The following CPT1A variants were observed in gnomAD, a reference collection of about 807,000 sequenced individuals.
CPT1A encodes the protein carnitine O-palmitoyltransferase 1, liver isoform.
CPT1A carries 64 observed loss-of-function variants against 100.8 expected under a neutral mutation model. The observed-to-expected ratio is 0.63, with a 90% CI of 0.52 to 0.78. CPT1A has a LOEUF of 0.78. Ranked by LOEUF, CPT1A falls within the 30% of genes least tolerant of loss-of-function variation. CPT1A has a pLI of 0.00. For missense variants in CPT1A, 802 were observed against 1,034.1 expected (o/e 0.78, Z 3.08); for synonymous variants, 363 against 396.0 (o/e 0.92, Z 0.99).
At chr11:68,793,165 A>C (rs1855663928) in intron 9 of CPT1A, 150 bp downstream of exon 9, 4 of 618,518 alleles carry the variant, frequency 6.5e-6, no homozygotes, top group Non-Finnish European at 1.2e-5. Context: ...TAAGACAGAC[A>C]AAGGAAATTC....
At position 68,812,559 on chromosome 11, in the gene CPT1A, G is replaced by A. The variant is rs781443576; in HGVS notation, c.159C>T (p.Gly53=). 5.0e-6 allele frequency: 8 copies of A among 1,613,996 alleles called. No homozygotes were observed. Among genetic ancestry groups the A allele is most frequent in the African/African-American group, 2.7e-5 (2 of 74,898 alleles). The change falls in exon 3 of 19, where the codon GGC becomes GGT. Residue 53 remains glycine, a synonymous_variant. Transcript: ENST00000265641. The stretch of plus-strand genomic sequence containing the variant: ...AACTGGAGGGGCTTGCCGGGTACAC[G>A]CCAGTGATGATGCCGTTCTAAAGAC... ...FIRFKNGIIT[G]VYPASPSSWL...
chr11:68,823,436 C>T (rs1007536237), intron 1 of CPT1A, among the ~76,000 whole-genome samples: 3 of 152,218 alleles, frequency 2.0e-5, no homozygotes, highest in South Asian at 4.1e-4. Context: ...TATTTTCTTC[C>T]ATATCCTGTC....
chr11:68,777,829 C>A (rs1339180638), intron 12 of CPT1A, among the ~76,000 whole-genome samples: 1 of 152,078 alleles, frequency 6.6e-6, no homozygotes, highest in African/African-American at 2.4e-5. Context: ...CTCGGGAAGT[C>A]CTTGGCCTGG....
At chr11:68,831,888 C>G (rs1402363664) in intron 1 of CPT1A, among the ~76,000 whole-genome samples, 2 of 152,134 alleles carry the variant, frequency 1.3e-5, no homozygotes, top group Non-Finnish European at 1.5e-5. Flanking sequence ...CTGCCTTGGC[C>G]TCCTAAAGTG....
intron 1 of CPT1A, among the ~76,000 whole-genome samples, chr11:68,816,852 T>C (rs1284217670): frequency 7.1e-6 from 1 of 139,904 alleles, no homozygotes; most frequent in Admixed American, 7.1e-5. Flanking sequence ...TGTGTGCGTG[T>C]GTGGTGTGTG....
intron 18 of CPT1A, among the ~76,000 whole-genome samples, chr11:68,758,668 G>A (rs1393869955): frequency 6.7e-6 from 1 of 150,214 alleles, no homozygotes; most frequent in Non-Finnish European, 1.5e-5. Context: ...ACCCAGGCTG[G>A]AGTGCAGTGG....
chr11:68,758,379 A>G (rs1946734513), intron 18 of CPT1A, among the ~76,000 whole-genome samples: 1 of 152,238 alleles, frequency 6.6e-6, no homozygotes, highest in Non-Finnish European at 1.5e-5. Flanking sequence ...ACGACAAGGA[A>G]AGCAGAATAT....
intron 1 of CPT1A, among the ~76,000 whole-genome samples, chr11:68,819,382 A>G (rs1405713601): frequency 6.6e-6 from 1 of 152,048 alleles, no homozygotes; most frequent in Non-Finnish European, 1.5e-5. Context: ...GCCCCGCCTC[A>G]AGGTTAACTC....
chr11:68,797,005 G>C (rs1437898059), intron 6 of CPT1A, 72 bp from the exon 7 acceptor site: 3 of 1,465,540 alleles, frequency 2.0e-6, no homozygotes, highest in African/African-American at 2.8e-5. Flanking sequence ...CAGCAGCCCA[G>C]AGCCGCGGGG....
At chr11:68,784,710 G>A in intron 10 of CPT1A, 105 bp downstream of exon 10, 2 of 1,104,284 alleles carry the variant, frequency 1.8e-6, no homozygotes, top group Non-Finnish European at 2.7e-6. Context: ...CCGAGGTGGG[G>A]AGTCCCGTGC....
chr11:68,817,888 A>C (rs3019606), intron 1 of CPT1A, among the ~76,000 whole-genome samples: 1 of 151,454 alleles, frequency 6.6e-6, no homozygotes, highest in Admixed American at 6.6e-5. Context: ...GGGGTCAAGC[A>C]CAGGTGGCTG....
At chr11:68,780,431 G>T (rs750254324) in intron 12 of CPT1A, among the ~76,000 whole-genome samples, 2 of 152,150 alleles carry the variant, frequency 1.3e-5, no homozygotes, top group Non-Finnish European at 2.9e-5. Context: ...CTACAGGCAT[G>T]CACCACCATG....
upstream of CPT1A, chr11:68,844,186 C>T (rs76062748): frequency 0.054 from 8,197 of 152,408 alleles, 342 homozygotes; most frequent in Middle Eastern, 0.082. Context: ...GCAACGAGCC[C>T]GCGCCGGCCT....
chr11:68,760,241 C>T lies in CPT1A; in HGVS notation c.2126G>A (p.Gly709Glu), dbSNP rs28936374. Residue 709 changes from glycine to glutamate, a missense_variant, in exon 17 of 19, where the codon GGA becomes GAA. By Grantham distance (98) the Gly-to-Glu change is moderately conservative. Transcript: ENST00000265641. ...CGCACTCACCGGTCCAAAGCCCCCT[C>T]CGCTGGACACGTACTCTGGGTTATT... ...LENNPEYVSS[G>E]GGFGPVADDG... 1.2e-6 allele frequency: 2 copies of T among 1,610,408 alleles called. No homozygotes were observed. The highest frequency in any genetic ancestry group is 2.2e-5 in the South Asian group (2 of 90,422).
intron 1 of CPT1A, among the ~76,000 whole-genome samples, chr11:68,820,453 T>A (rs1256119765): frequency 4.6e-5 from 7 of 150,780 alleles, no homozygotes; most frequent in Admixed American, 4.6e-4. Flanking sequence ...GAGGCCCAGG[T>A]GGGTGGATCA....
intron 1 of CPT1A, among the ~76,000 whole-genome samples, chr11:68,836,157 C>A (rs930253924): frequency 6.6e-6 from 1 of 152,146 alleles, no homozygotes; most frequent in African/African-American, 2.4e-5. Context: ...CACATTGAGC[C>A]ACTGTGTGTA....
Position 68,841,536 on chromosome 11 carries a change from G to A in CPT1A, c.-14+239C>T, listed in dbSNP as rs186183559. ...CCCGCCTGCGGATGGACCGACCCCCGGTGGACCCTCAGACCCAATCCCCTG... is the reference window on the plus strand; with the variant it reads ...CCCGCCTGCGGATGGACCGACCCCCAGTGGACCCTCAGACCCAATCCCCTG... On this transcript the variant is annotated intron_variant, in intron 1 of 18. Transcript: ENST00000265641. This position sits in a 1 kb window ranked among gnomAD's most constrained non-coding sequence, Gnocchi z 6.3. Among the ~76,000 whole-genome samples, 4 of 152,312 alleles carry A rather than the reference G, an allele frequency of 2.6e-5. No homozygotes were observed. Among genetic ancestry groups the A allele is most frequent in the African/African-American group, 4.8e-5 (2 of 41,580 alleles).
At chr11:68,798,146 C>T (rs1405419516) in intron 6 of CPT1A, among the ~76,000 whole-genome samples, 1 of 152,216 alleles carries the variant, frequency 6.6e-6, no homozygotes, top group African/African-American at 2.4e-5. Context: ...CCTGAGGCCA[C>T]CCAGAGGCAG....
chr11:68,796,774 G>A, intron 7 of CPT1A, 82 bp downstream of exon 7: 1 of 1,369,872 alleles, frequency 7.3e-7, no homozygotes, highest in Non-Finnish European at 1.0e-6. Context: ...GCCGTCCACA[G>A]GCCTGTGAAG....
Sources: gnomAD v4.1 joint callset for allele counts (sites outside exome capture counted in the v4.1 genomes callset) on GRCh38, gnomAD v4.1.1 for gene constraint, Gnocchi (gnomAD v3.1) non-coding constraint, MANE v1.5 for transcripts, NCBI Gene and HGNC (gene_info 2026-07-23, HGNC 2026-07-21) for gene names.